The following MB21D2 variants were observed in gnomAD, a reference collection of about 807,000 sequenced individuals.
MB21D2 encodes Mab-21 domain containing 2, also known as nucleotidyltransferase MB21D2.
MB21D2 carries 9 observed loss-of-function variants against 33.3 expected under a neutral mutation model. The observed-to-expected ratio is 0.27, with a 90% confidence interval of 0.16 to 0.47. The LOEUF (loss-of-function observed/expected upper bound fraction) is 0.47, where lower values mean the gene tolerates loss of function less well. Among genes scored for constraint, MB21D2 ranks in the 20% least tolerant of loss-of-function variants. The pLI is 0.99. For synonymous variants in MB21D2, 241 were observed against 236.3 expected, an observed-to-expected ratio of 1.02 and a Z score of -0.18; for missense variants, 540 against 624.6, an observed-to-expected ratio of 0.86 and a Z score of 1.44.
At position 192,865,844 on chromosome 3, in the gene MB21D2, G is replaced by A. The variant is rs372923852; in HGVS notation, c.211+51786C>T. ...GAGGATTGCTGGAGCCCAGGAGTTT[G>A]AGAACAGCCTAGGCAACATAGTAAG... On this transcript the variant is annotated intron_variant, in intron 1 of 1. Coordinates refer to ENST00000392452, the MANE Select transcript of MB21D2 (RefSeq NM_178496.4). 2.0e-4 allele frequency among the ~76,000 whole-genome samples: 31 copies of A among 152,208 alleles called. No individual in the cohort carries two copies. The South Asian group carries it at 5.0e-3, about 24-fold the overall frequency.
intron 1 of MB21D2, among the ~76,000 whole-genome samples, chr3:192,875,451 T>A (rs1454336852): frequency 2.0e-5 from 3 of 152,172 alleles, no homozygotes; most frequent in Non-Finnish European, 4.4e-5. Flanking sequence ...GAAAAGAACA[T>A]AAAGCTTGAA....
intron 1 of MB21D2, among the ~76,000 whole-genome samples, chr3:192,802,962 T>A (rs1711587391): frequency 6.6e-6 from 1 of 152,250 alleles, no homozygotes; most frequent in South Asian, 2.1e-4. Flanking sequence ...AAATCCTATA[T>A]ATGCTTTTGT....
chr3:192,797,410 T>G lies in MB21D2; in HGVS notation c.*976A>C, dbSNP rs375323652. On this transcript the variant is annotated 3_prime_UTR_variant, in exon 2 of 2. Coordinates refer to ENST00000392452, the MANE Select transcript of MB21D2 (RefSeq NM_178496.4). ...TCCCCAGCTTTAGATGGGGTCAACA[T>G]GTATAAAGCTTTAACAACTTCTCTC... The G allele has an allele frequency of 1.3e-5, 2 of 152,592 alleles. No individual in the cohort carries two copies. Among genetic ancestry groups the G allele is most frequent in the Non-Finnish European group, 1.5e-5 (1 of 68,038 alleles). 9.5% of individuals were successfully genotyped at this position (152,592 alleles called of 1,614,324 possible). A position where few individuals can be genotyped will look rare whatever the true frequency, so the allele number is the denominator to read the frequency against.
chr3:192,875,408 AG>A (rs1296727134), intron 1 of MB21D2, among the ~76,000 whole-genome samples: 1 of 152,244 alleles, frequency 6.6e-6, no homozygotes, highest in African/African-American at 2.4e-5. Flanking sequence ...AATGTAAACC[AG>A]GATTGCCACA....
At chr3:192,827,849 C>T (rs999547431) in intron 1 of MB21D2, among the ~76,000 whole-genome samples, 1 of 152,100 alleles carries the variant, frequency 6.6e-6, no homozygotes, top group African/African-American at 2.4e-5. Context: ...TATGGTTTGG[C>T]TGTGTCCCCA....
intron 1 of MB21D2, among the ~76,000 whole-genome samples, chr3:192,877,562 G>A (rs1222014725): frequency 6.6e-6 from 1 of 152,128 alleles, no homozygotes; most frequent in Admixed American, 6.5e-5. Context: ...CAGTGTCAGT[G>A]ACTCTACAGT....
At chr3:192,901,711 G>GTTT (rs1714107727) in intron 1 of MB21D2, among the ~76,000 whole-genome samples, 1 of 152,190 alleles carries the variant, frequency 6.6e-6, no homozygotes, top group African/African-American at 2.4e-5. Flanking sequence ...CAGCACTAAA[G>GTTT]AGGCCAATCC....
At chr3:192,889,594 G>C (rs1713807110) in intron 1 of MB21D2, among the ~76,000 whole-genome samples, 1 of 151,994 alleles carries the variant, frequency 6.6e-6, no homozygotes, top group African/African-American at 2.4e-5. Flanking sequence ...ACCTACCTCT[G>C]CTGGCCCTAG....
chr3:192,840,424 T>C (rs1211954632), intron 1 of MB21D2, among the ~76,000 whole-genome samples: 5 of 139,230 alleles, frequency 3.6e-5, no homozygotes, highest in South Asian at 2.5e-4. Context: ...TCTTTTTTTT[T>C]TTTTTTTTTT....
Position 192,798,348 on chromosome 3 carries a change from G to C in MB21D2, c.*38C>G. 3.1e-6 allele frequency: 5 copies of C among 1,595,428 alleles called. No individual in the cohort carries two copies. The highest frequency in any genetic ancestry group is 4.3e-6 in the Non-Finnish European group (5 of 1,167,870). ...TCACAAACCACACGACACATTATCA[G>C]AGTTTAAGAATCAGGAAAAAAAAAA... On this transcript the variant is annotated 3_prime_UTR_variant, in exon 2 of 2. Coordinates refer to ENST00000392452, the MANE Select transcript of MB21D2 (RefSeq NM_178496.4). The surrounding 1 kb of genome is among the most constrained non-coding windows in gnomAD (Gnocchi z 4.8).
chr3:192,858,343 C>A (rs930534809), intron 1 of MB21D2, among the ~76,000 whole-genome samples: 1 of 152,158 alleles, frequency 6.6e-6, no homozygotes, highest in African/African-American at 2.4e-5. Flanking sequence ...CCCCATGTCA[C>A]CAGCACCATT....
At chr3:192,871,188 C>T (rs1161524339) in intron 1 of MB21D2, among the ~76,000 whole-genome samples, 1 of 152,146 alleles carries the variant, frequency 6.6e-6, no homozygotes, top group African/African-American at 2.4e-5. Flanking sequence ...ATCCACTTTC[C>T]ACCCACCCCG....
rs1711517296 is a variant in MB21D2, at chr3:192,799,699, T to G, written c.212-49A>C. Reference sequence around the variant, plus strand: ...AACACTATTACAGGAAACACAGACATAAGAGTCTTATGCATGAAACAGAAT... The same window carrying G: ...AACACTATTACAGGAAACACAGACAGAAGAGTCTTATGCATGAAACAGAAT... On this transcript the variant is annotated intron_variant, in intron 1 of 1. Transcript: ENST00000392452. The surrounding 1 kb of genome is among the most constrained non-coding windows in gnomAD (Gnocchi z 4.1). The G allele has an allele frequency of 6.5e-7, 1 of 1,546,300 alleles. No individual in the cohort carries two copies. Among genetic ancestry groups the G allele is most frequent in the African/African-American group, 1.4e-5 (1 of 72,686 alleles).
At chr3:192,913,591 A>G (rs1237469432) in intron 1 of MB21D2, among the ~76,000 whole-genome samples, 2 of 152,130 alleles carry the variant, frequency 1.3e-5, no homozygotes, top group African/African-American at 2.4e-5. Flanking sequence ...TGGGAGGCCA[A>G]GCCAGAAGGA....
chr3:192,842,472 G>A (rs991715110), intron 1 of MB21D2, among the ~76,000 whole-genome samples: 4 of 152,200 alleles, frequency 2.6e-5, no homozygotes, highest in Non-Finnish European at 5.9e-5. Flanking sequence ...AAATATTGTA[G>A]ACGTTATAGA....
rs140388242 is a variant in MB21D2, at chr3:192,882,684, C to A, written c.211+34946G>T. Among the ~76,000 whole-genome samples, 118 of 151,402 alleles carry A rather than the reference C, an allele frequency of 7.8e-4. 1 individual carries two copies. The highest frequency in any genetic ancestry group is 2.6e-3 in the African/African-American group (109 of 41,136). ...TATATAATTTCTCTGCCTGGTAGAA[C>A]TAAGATCCCCAGATGTGATTGGTTT... On this transcript the variant is annotated intron_variant, in intron 1 of 1. Coordinates refer to ENST00000392452, the MANE Select transcript of MB21D2 (RefSeq NM_178496.4).
intron 1 of MB21D2, among the ~76,000 whole-genome samples, chr3:192,859,655 G>T (rs1390051925): frequency 2.6e-5 from 4 of 152,108 alleles, no homozygotes; most frequent in Non-Finnish European, 5.9e-5. Flanking sequence ...GACATATTAG[G>T]TACTCAATAA....
intron 1 of MB21D2, among the ~76,000 whole-genome samples, chr3:192,802,072 G>T (rs1233553074): frequency 6.6e-6 from 1 of 152,152 alleles, no homozygotes; most frequent in African/African-American, 2.4e-5. Context: ...TTCAATAAAG[G>T]ACTTCCAGCT....
intron 1 of MB21D2, among the ~76,000 whole-genome samples, chr3:192,882,707 T>C (rs1235167861): frequency 1.3e-5 from 2 of 151,974 alleles, no homozygotes; most frequent in African/African-American, 2.4e-5. Context: ...ATGTGATTGG[T>C]TTACTGCCCT....
Sources: allele counts gnomAD v4.1 joint callset (sites outside exome capture counted in the v4.1 genomes callset), GRCh38; gene constraint gnomAD v4.1.1; non-coding constraint Gnocchi (gnomAD v3.1); transcripts MANE v1.5; gene names NCBI Gene and HGNC (gene_info 2026-07-23, HGNC 2026-07-21).